Variants in SAMTOR observed in about 807,000 individuals in gnomAD.
SAMTOR encodes UPF0532 protein C7orf60.
chr7:112,820,832 G>A, the SAMTOR span: 5 of 152,064 alleles, frequency 3.3e-5, no homozygotes, highest in Middle Eastern at 0.01. Flanking sequence ...CCTCCTTAAC[G>A]GAAAGGTGAG....
chr7:112,928,760 A>G, the SAMTOR span, among the ~76,000 whole-genome samples: 1 of 151,982 alleles, frequency 6.6e-6, no homozygotes, highest in Non-Finnish European at 1.5e-5. Flanking sequence ...CAGAAAAGCA[A>G]TAATTTCAAT....
At chr7:112,846,507 T>C in the SAMTOR span, among the ~76,000 whole-genome samples, 1 of 152,132 alleles carries the variant, frequency 6.6e-6, no homozygotes, top group African/African-American at 2.4e-5. Flanking sequence ...AAAATGTAAG[T>C]TAAAAAGAGG....
At chr7:112,938,794 G>A in the SAMTOR span, among the ~76,000 whole-genome samples, 1 of 152,198 alleles carries the variant, frequency 6.6e-6, no homozygotes, top group Non-Finnish European at 1.5e-5. Flanking sequence ...ACAGGCAAAA[G>A]CCACTAAGGC....
At chr7:112,896,744 ATGAT>A in the SAMTOR span, among the ~76,000 whole-genome samples, 2 of 152,236 alleles carry the variant, frequency 1.3e-5, no homozygotes, top group Non-Finnish European at 2.9e-5. Flanking sequence ...AATAAAAAAC[ATGAT>A]TGATAAACAG....
the SAMTOR span, among the ~76,000 whole-genome samples, chr7:112,845,820 C>T: frequency 1.6e-3 from 237 of 152,182 alleles, 3 homozygotes; most frequent in South Asian, 5.2e-3. Flanking sequence ...GTAGCAAAGA[C>T]GTGGAATCAA....
the SAMTOR span, among the ~76,000 whole-genome samples, chr7:112,872,335 TAA>T: frequency 6.6e-6 from 1 of 152,124 alleles, no homozygotes; most frequent in African/African-American, 2.4e-5. Context: ...TACAAATCAA[TAA>T]AGTCATTCAC....
chr7:112,851,233 C>T, the SAMTOR span, among the ~76,000 whole-genome samples: 2 of 152,096 alleles, frequency 1.3e-5, no homozygotes, highest in Admixed American at 6.6e-5. Context: ...AGGAGCTCAA[C>T]TAGCCAAAGC....
chr7:112,920,796 T>C, the SAMTOR span, among the ~76,000 whole-genome samples: 1 of 151,770 alleles, frequency 6.6e-6, no homozygotes, highest in Non-Finnish European at 1.5e-5. Context: ...AGCATTCTTA[T>C]ACACCAATAA....
the SAMTOR span, among the ~76,000 whole-genome samples, chr7:112,921,778 G>GTGGGTGAA: frequency 1.5e-4 from 5 of 33,794 alleles, 2 homozygotes; most frequent in Non-Finnish European, 2.8e-4. Context: ...CCATCAACAA[G>GTGGGTGAA]GACATTAACA....
At chr7:112,928,478 A>C in the SAMTOR span, among the ~76,000 whole-genome samples, 1 of 151,994 alleles carries the variant, frequency 6.6e-6, no homozygotes, top group Non-Finnish European at 1.5e-5. Context: ...GATTTTCCCA[A>C]TAGAAAGTAT....
chr7:112,921,345 G>A, the SAMTOR span, among the ~76,000 whole-genome samples: 1 of 151,774 alleles, frequency 6.6e-6, no homozygotes, highest in Non-Finnish European at 1.5e-5. Context: ...AAGCAATGGG[G>A]AAAGGATTCC....
At chr7:112,902,443 A>AAAAAAAAAC in the SAMTOR span, among the ~76,000 whole-genome samples, 1 of 134,548 alleles carries the variant, frequency 7.4e-6, no homozygotes, top group African/African-American at 2.8e-5. Context: ...AAAAAACAAA[A>AAAAAAAAAC]AAAAACAAAA....
the SAMTOR span, among the ~76,000 whole-genome samples, chr7:112,839,047 T>C: frequency 6.6e-6 from 1 of 151,862 alleles, no homozygotes; most frequent in Non-Finnish European, 1.5e-5. Context: ...AAAAGGAACC[T>C]GTACTACTTA....
At chr7:112,912,429 CTCATA>C in the SAMTOR span, among the ~76,000 whole-genome samples, 1 of 151,846 alleles carries the variant, frequency 6.6e-6, no homozygotes, top group Non-Finnish European at 1.5e-5. Flanking sequence ...TAAGGCTTAC[CTCATA>C]TAACATATTC....
the SAMTOR span, among the ~76,000 whole-genome samples, chr7:112,911,059 G>C: frequency 6.6e-6 from 1 of 152,098 alleles, no homozygotes; most frequent in Non-Finnish European, 1.5e-5. Flanking sequence ...AAGCCTTCCA[G>C]GGTAGAAATA....
chr7:112,897,207 A>G, the SAMTOR span, among the ~76,000 whole-genome samples: 1 of 152,128 alleles, frequency 6.6e-6, no homozygotes, highest in Non-Finnish European at 1.5e-5. Flanking sequence ...AGCTTTCTGG[A>G]GAAAAATGTT....
the SAMTOR span, among the ~76,000 whole-genome samples, chr7:112,853,304 A>C: frequency 6.6e-6 from 1 of 152,158 alleles, no homozygotes; most frequent in Admixed American, 6.5e-5. Flanking sequence ...ATAATGATGT[A>C]TATAAGCTAT....
At chr7:112,859,396 T>C in the SAMTOR span, among the ~76,000 whole-genome samples, 7 of 152,380 alleles carry the variant, frequency 4.6e-5, no homozygotes, top group Admixed American at 1.3e-4. Context: ...TAAACAATTC[T>C]GCATTGCCAG....
chr7:112,855,653 C>G, the SAMTOR span, among the ~76,000 whole-genome samples: 19 of 152,154 alleles, frequency 1.2e-4, no homozygotes, highest in African/African-American at 4.3e-4. Flanking sequence ...CACATTAAAT[C>G]CTTCTTATGT....
Sources: allele counts gnomAD v4.1 joint callset (sites outside exome capture counted in the v4.1 genomes callset), GRCh38; gene constraint gnomAD v4.1.1; transcripts MANE v1.5; gene names NCBI Gene and HGNC (gene_info 2026-07-23, HGNC 2026-07-21).